ERBB4: variants seen among roughly 807,000 people sequenced by gnomAD.
The protein encoded by ERBB4 is erb-b2 receptor tyrosine kinase 4.
ERBB4 carries 42 observed loss-of-function variants against 158.0 expected under a neutral mutation model. That is an observed-to-expected ratio of 0.27 (90% CI 0.21 to 0.34). The LOEUF is 0.34. ERBB4 is among the 10% of genes least tolerant of loss of function. ERBB4 has a pLI of 1.00. For synonymous variants in ERBB4, 583 were observed against 558.7 expected (o/e 1.04, Z -0.61); for missense variants, 1,333 against 1,624.1 (o/e 0.82, Z 3.08).
intron 20 of ERBB4, among the ~76,000 whole-genome samples, chr2:211,431,869 T>C (rs958886110): frequency 6.6e-6 from 1 of 152,086 alleles, no homozygotes; most frequent in Non-Finnish European, 1.5e-5. Context: ...TCACAATACA[T>C]CCATGTATAA....
At chr2:212,185,012 C>CTTTTTTTTCTT (rs1553584024) in intron 1 of ERBB4, among the ~76,000 whole-genome samples, 21,567 of 138,678 alleles carry the variant, frequency 0.16, 1,187 homozygotes, top group Non-Finnish European at 0.19. Context: ...ATCACAGTTA[C>CTTTTTTTTCTT]TTTTTTTTCT....
At chr2:211,441,516 AGCCTCATAGAT>A (rs1447572065) in intron 20 of ERBB4, among the ~76,000 whole-genome samples, 1 of 152,066 alleles carries the variant, frequency 6.6e-6, no homozygotes, top group Non-Finnish European at 1.5e-5. Flanking sequence ...GTTAGCCAGG[AGCCTCATAGAT>A]GCTCATGGAT....
At chr2:212,246,105 T>G (rs1014734614) in intron 1 of ERBB4, among the ~76,000 whole-genome samples, 4 of 152,190 alleles carry the variant, frequency 2.6e-5, no homozygotes, top group Non-Finnish European at 5.9e-5. Context: ...TCTGTAAATG[T>G]AGATTAACTG....
chr2:211,519,454 G>A (rs1255035802), intron 20 of ERBB4, among the ~76,000 whole-genome samples: 1 of 151,996 alleles, frequency 6.6e-6, no homozygotes. Flanking sequence ...TTTCCATCTC[G>A]AAGCAGATGG....
At position 211,965,036 on chromosome 2, in the gene ERBB4, A is replaced by G. The variant is rs935341980; in HGVS notation, c.235-17420T>C. On this transcript the variant is annotated intron_variant, in intron 2 of 27. Transcript: ENST00000342788. ...ATAGGACAGTTCCTCCACACAGACT[A>G]TTACCTATACGGCACAAACACAAGG... Among the ~76,000 whole-genome samples, 6 of 152,206 alleles carry G rather than the reference A, an allele frequency of 3.9e-5. No homozygotes were observed. In the East Asian group the frequency reaches 5.8e-4, roughly 15 times the overall value.
chr2:211,817,440 AATATCAAATAACAAACATATACATGT>A (rs2076903536), intron 3 of ERBB4, among the ~76,000 whole-genome samples: 1 of 152,168 alleles, frequency 6.6e-6, no homozygotes, highest in African/African-American at 2.4e-5. Context: ...TACTCTACTC[AATATCAAATAACAAACATATACATGT>A]ATATCAACCC....
chr2:212,017,693 T>C (rs771378577), intron 2 of ERBB4, among the ~76,000 whole-genome samples: 5 of 152,148 alleles, frequency 3.3e-5, no homozygotes, highest in South Asian at 2.1e-4. Context: ...GAAGTGACTA[T>C]TGTATATTAA....
At chr2:212,114,519 C>T (rs574734262) in intron 2 of ERBB4, among the ~76,000 whole-genome samples, 43 of 152,246 alleles carry the variant, frequency 2.8e-4, no homozygotes, top group Admixed American at 1.2e-3. Flanking sequence ...TGGACTTTAT[C>T]CTAAGAGGAT....
intron 1 of ERBB4, among the ~76,000 whole-genome samples, chr2:212,373,951 CA>C (rs201735734): frequency 0.077 from 2,699 of 35,136 alleles, 220 homozygotes; most frequent in Non-Finnish European, 0.097. Flanking sequence ...ATATATATAT[CA>C]TATATATATC....
intron 20 of ERBB4, among the ~76,000 whole-genome samples, chr2:211,478,121 C>G (rs1287857012): frequency 6.6e-6 from 1 of 152,138 alleles, no homozygotes; most frequent in Non-Finnish European, 1.5e-5. Context: ...GGGATGCCAA[C>G]CACATTAATG....
At chr2:212,476,475 C>G (rs565234405) in intron 1 of ERBB4, among the ~76,000 whole-genome samples, 1 of 152,220 alleles carries the variant, frequency 6.6e-6, no homozygotes, top group Admixed American at 6.5e-5. Flanking sequence ...CTACCCTCTT[C>G]AATATAATGG....
chr2:212,395,382 T>A (rs1031680374), intron 1 of ERBB4, among the ~76,000 whole-genome samples: 3 of 151,796 alleles, frequency 2.0e-5, no homozygotes, highest in African/African-American at 7.3e-5. Flanking sequence ...CTTATAAGCA[T>A]TGATTATATT....
At chr2:211,445,768 C>G (rs1420285173) in intron 20 of ERBB4, among the ~76,000 whole-genome samples, 1 of 152,118 alleles carries the variant, frequency 6.6e-6, no homozygotes, top group Non-Finnish European at 1.5e-5. Flanking sequence ...TAAATGAATA[C>G]ATAGGCTGTC....
intron 1 of ERBB4, among the ~76,000 whole-genome samples, chr2:212,411,196 A>G (rs1442580191): frequency 6.6e-6 from 1 of 152,138 alleles, no homozygotes; most frequent in African/African-American, 2.4e-5. Context: ...TCAGATATGG[A>G]GAATTCTGCA....
chr2:211,689,714 A>G (rs930903565), intron 12 of ERBB4, among the ~76,000 whole-genome samples: 2 of 151,944 alleles, frequency 1.3e-5, no homozygotes, highest in African/African-American at 2.4e-5. Context: ...TACTCATTTT[A>G]TAACCATTTA....
Position 212,012,038 on chromosome 2 carries a change from A to G in ERBB4, c.235-64422T>C, listed in dbSNP as rs543614750. ...TTTATACAGGAAAGTTAGGATCCAA[A>G]GGTGACCAATTAGGGTTGTTTTTTA... is the stretch of plus-strand genomic sequence containing the variant. On this transcript the variant is annotated intron_variant, in intron 2 of 27. Transcript: ENST00000342788. Among the ~76,000 whole-genome samples the G allele has an allele frequency of 1.1e-4, 16 of 152,346 alleles. No individual in the cohort carries two copies. The South Asian group carries it at 2.9e-3, about 28-fold the overall frequency.
intron 19 of ERBB4, among the ~76,000 whole-genome samples, chr2:211,562,945 G>C (rs925485323): frequency 6.6e-6 from 1 of 151,782 alleles, no homozygotes; most frequent in Admixed American, 6.5e-5. Flanking sequence ...CTAATGTTTT[G>C]TATTTTTAGT....
At chr2:211,944,189 A>AC (rs754185285) in intron 3 of ERBB4, among the ~76,000 whole-genome samples, 13 of 51,726 alleles carry the variant, frequency 2.5e-4, no homozygotes, top group South Asian at 3.8e-4. Context: ...ATATATATAT[A>AC]TATATATATA....
chr2:211,474,277 AAAT>A (rs938882293), intron 20 of ERBB4, among the ~76,000 whole-genome samples: 2 of 152,062 alleles, frequency 1.3e-5, no homozygotes, highest in African/African-American at 2.4e-5. Flanking sequence ...TAATAAAGAT[AAAT>A]AATAAAAACC....
Sources: allele counts gnomAD v4.1 joint callset (sites outside exome capture counted in the v4.1 genomes callset), GRCh38; gene constraint gnomAD v4.1.1; transcripts MANE v1.5; gene names NCBI Gene and HGNC (gene_info 2026-07-23, HGNC 2026-07-21).